Variants in CERKL observed in about 807,000 individuals in gnomAD.
CERKL encodes ceramide kinase-like protein.
In CERKL, 61 loss-of-function variants were observed where a neutral mutation model predicts 63.4. The observed-to-expected ratio is 0.96, with a 90% confidence interval of 0.78 to 1.19. CERKL has a LOEUF of 1.19. Ranked by LOEUF, CERKL falls within the 50% of genes most tolerant of loss-of-function variation. CERKL has a pLI of 0.00. For missense variants in CERKL, 675 were observed against 655.5 expected, an observed-to-expected ratio of 1.03 and a Z score of -0.33; for synonymous variants, 250 against 230.5, an observed-to-expected ratio of 1.08 and a Z score of -0.77.
chr2:181,630,888 AG>A (rs1353395424), intron 1 of CERKL, among the ~76,000 whole-genome samples: 3 of 152,214 alleles, frequency 2.0e-5, no homozygotes, highest in Non-Finnish European at 2.9e-5. Flanking sequence ...AAACATGGCA[AG>A]CAGAGAAACT....
intron 12 of CERKL, 125 bp downstream of exon 12, chr2:181,538,967 T>C: frequency 1.3e-6 from 1 of 742,532 alleles, no homozygotes; most frequent in Non-Finnish European, 2.4e-6. Flanking sequence ...TATGCTTCCC[T>C]GATTTACTGA....
chr2:181,567,972 T>C (rs550205539), intron 3 of CERKL, among the ~76,000 whole-genome samples: 2 of 152,300 alleles, frequency 1.3e-5, no homozygotes, highest in South Asian at 4.1e-4. Flanking sequence ...TTCTTTCATC[T>C]ATTTGCCTTT....
rs889690265 is a variant in CERKL at position 181,536,963 on chromosome 2, C to T, written c.*1221G>A. 4 of 452,562 alleles carry T rather than the reference C, an allele frequency of 8.8e-6. No individual in the cohort carries two copies. Among genetic ancestry groups the T allele is most frequent in the African/African-American group, 8.0e-5 (4 of 49,902 alleles). The allele number at this position is 452,562 out of a possible 1,614,324, so 28.0% of individuals were successfully genotyped here. A position where few individuals can be genotyped will look rare whatever the true frequency, so the allele number is the denominator to read the frequency against. ...ATATGAAGTCCCTGCCACTAGCCAG[C>T]CATCCTAATTGATGAAAGTTATCTG... is the stretch of plus-strand genomic sequence containing the variant. On this transcript the variant is annotated 3_prime_UTR_variant, in exon 13 of 13. Transcript: ENST00000410087.
At chr2:181,548,062 AT>A (rs1271596114) in intron 8 of CERKL, 1 of 610,378 alleles carries the variant, frequency 1.6e-6, no homozygotes, top group Non-Finnish European at 2.9e-6. Context: ...ATTATAAGGA[AT>A]AATAATGTAC....
At chr2:181,622,780 T>C (rs986597804) in intron 1 of CERKL, among the ~76,000 whole-genome samples, 1 of 152,230 alleles carries the variant, frequency 6.6e-6, no homozygotes, top group Non-Finnish European at 1.5e-5. Context: ...TGATTGAATA[T>C]AAATGTTAAA....
At chr2:181,553,803 T>C (rs1317745187) in intron 5 of CERKL, among the ~76,000 whole-genome samples, 1 of 152,188 alleles carries the variant, frequency 6.6e-6, no homozygotes, top group Non-Finnish European at 1.5e-5. Context: ...TGAGAAAGTA[T>C]ATGTAAAATT....
intron 5 of CERKL, among the ~76,000 whole-genome samples, chr2:181,556,060 C>A (rs1045784812): frequency 2.4e-4 from 36 of 152,010 alleles, no homozygotes; most frequent in African/African-American, 8.4e-4. Flanking sequence ...CCTTATTAAA[C>A]CTTTTAAATG....
intron 1 of CERKL, among the ~76,000 whole-genome samples, chr2:181,607,030 AG>A (rs34271725): frequency 6.6e-6 from 1 of 152,198 alleles, no homozygotes; most frequent in Non-Finnish European, 1.5e-5. Flanking sequence ...TGGTTTATGT[AG>A]GTTATATCTA....
At chr2:181,584,431 G>C (rs949105028) in intron 2 of CERKL, among the ~76,000 whole-genome samples, 2 of 151,916 alleles carry the variant, frequency 1.3e-5, no homozygotes, top group Non-Finnish European at 2.9e-5. Context: ...AGGATCACTT[G>C]ATATCAAGAG....
chr2:181,554,329 T>A (rs2105813076), intron 5 of CERKL, among the ~76,000 whole-genome samples: 1 of 152,190 alleles, frequency 6.6e-6, no homozygotes, highest in East Asian at 1.9e-4. Flanking sequence ...TATCTAAAAT[T>A]CTCATGAAAA....
intron 1 of CERKL, among the ~76,000 whole-genome samples, chr2:181,614,903 T>C (rs1168167663): frequency 6.6e-6 from 1 of 152,196 alleles, no homozygotes; most frequent in Admixed American, 6.5e-5. Context: ...GATAAAAATA[T>C]AGAAATCATC....
At chr2:181,579,865 T>C (rs1223554437) in intron 2 of CERKL, among the ~76,000 whole-genome samples, 1 of 151,940 alleles carries the variant, frequency 6.6e-6, no homozygotes, top group African/African-American at 2.4e-5. Context: ...AGATTTTAAA[T>C]GCCACCTTTA....
intron 2 of CERKL, among the ~76,000 whole-genome samples, chr2:181,580,821 G>C (rs549374924): frequency 1.3e-5 from 2 of 152,082 alleles, no homozygotes; most frequent in Non-Finnish European, 2.9e-5. Flanking sequence ...AGTTTAAATA[G>C]TATAGAAGTT....
intron 1 of CERKL, among the ~76,000 whole-genome samples, chr2:181,625,825 A>T (rs1686675449): frequency 6.6e-6 from 1 of 152,232 alleles, no homozygotes; most frequent in Non-Finnish European, 1.5e-5. Context: ...GAGTTAGAGA[A>T]ACAGGGGCAA....
intron 1 of CERKL, among the ~76,000 whole-genome samples, chr2:181,621,319 C>A (rs910796523): frequency 6.6e-6 from 1 of 152,092 alleles, no homozygotes; most frequent in Non-Finnish European, 1.5e-5. Context: ...TTTTAATAAA[C>A]ACACATATAA....
intron 10 of CERKL, 57 bp from the exon 11 acceptor site, chr2:181,544,853 A>C: frequency 1.0e-6 from 1 of 979,028 alleles, no homozygotes; most frequent in South Asian, 1.4e-5. Flanking sequence ...TTATACCAAA[A>C]ATTATGACAT....
At chr2:181,610,529 A>G (rs1483713502) in intron 1 of CERKL, among the ~76,000 whole-genome samples, 1 of 152,230 alleles carries the variant, frequency 6.6e-6, no homozygotes, top group Non-Finnish European at 1.5e-5. Flanking sequence ...TGAATAAATC[A>G]TAGTCATCTT....
At chr2:181,549,822 A>T in intron 5 of CERKL, 114 bp from the exon 6 acceptor site, 4 of 766,596 alleles carry the variant, frequency 5.2e-6, no homozygotes, top group Non-Finnish European at 9.4e-6. Context: ...AATAAACGAG[A>T]ATTTATAAAA....
At chr2:181,547,118 C>G (rs1687761476) in intron 10 of CERKL, among the ~76,000 whole-genome samples, 1 of 152,120 alleles carries the variant, frequency 6.6e-6, no homozygotes, top group African/African-American at 2.4e-5. Context: ...ATTGTGGAGC[C>G]TCCCCAGCAA....
Sources: gnomAD v4.1 joint callset for allele counts (sites outside exome capture counted in the v4.1 genomes callset) on GRCh38, gnomAD v4.1.1 for gene constraint, MANE v1.5 for transcripts, NCBI Gene and HGNC (gene_info 2026-07-23, HGNC 2026-07-21) for gene names.